CCDC141: variants seen among roughly 807,000 people sequenced by gnomAD.
CCDC141 encodes the protein coiled-coil domain containing 141.
CCDC141 carries 168 observed loss-of-function variants against 181.0 expected under a neutral mutation model. The ratio of observed to expected loss-of-function variants is 0.93; its 90% CI spans 0.82 to 1.05. CCDC141 has a LOEUF of 1.05. CCDC141 is among the 50% of genes least tolerant of loss of function. The probability of loss-of-function intolerance (pLI) is 0.00; values close to 1 mark genes in which losing one functional copy is unlikely to be tolerated. For missense variants in CCDC141, 1,902 were observed against 1,788.5 expected (o/e 1.06, Z -1.14); for synonymous variants, 666 against 642.3 (o/e 1.04, Z -0.56).
chr2:178,989,889 C>A (rs2154382249), intron 2 of CCDC141, among the ~76,000 whole-genome samples: 1 of 147,702 alleles, frequency 6.8e-6, no homozygotes, highest in Middle Eastern at 3.8e-3. Context: ...CCTGTAATCC[C>A]AGCACTTTGG....
chr2:178,862,607 CA>C (rs1340227702), intron 17 of CCDC141, among the ~76,000 whole-genome samples: 1 of 152,112 alleles, frequency 6.6e-6, no homozygotes, highest in East Asian at 1.9e-4. Flanking sequence ...AACATTCAAG[CA>C]TACAAATGTA....
chr2:178,990,572 A>AG (rs1188328324), intron 2 of CCDC141, among the ~76,000 whole-genome samples: 17 of 82,678 alleles, frequency 2.1e-4, no homozygotes, highest in East Asian at 4.0e-4. Context: ...AAAAAAGAGA[A>AG]GGGGAGGGGA....
chr2:178,986,734 A>C (rs1287380561), intron 2 of CCDC141, among the ~76,000 whole-genome samples: 1 of 152,010 alleles, frequency 6.6e-6, no homozygotes, highest in Admixed American at 6.6e-5. Context: ...CAAAGAGAAT[A>C]AAATACCTAG....
intron 6 of CCDC141, among the ~76,000 whole-genome samples, chr2:178,933,077 AT>A (rs1346103546): frequency 1.3e-5 from 2 of 152,202 alleles, no homozygotes; most frequent in Non-Finnish European, 2.9e-5. Context: ...ACTAGAAAAT[AT>A]TTTCAATGAC....
At chr2:178,925,306 C>A (rs2154375338) in intron 6 of CCDC141, among the ~76,000 whole-genome samples, 1 of 152,298 alleles carries the variant, frequency 6.6e-6, no homozygotes, top group Admixed American at 6.5e-5. Context: ...TAGCCTATGA[C>A]TTGGAAATCT....
At chr2:178,851,225 G>C (rs1358623421) in intron 20 of CCDC141, among the ~76,000 whole-genome samples, 1 of 133,308 alleles carries the variant, frequency 7.5e-6, no homozygotes, top group Non-Finnish European at 1.6e-5. Context: ...AAAAAAAAAA[G>C]GACTTCTTTA....
At chr2:178,933,872 T>C (rs1237763711) in intron 6 of CCDC141, among the ~76,000 whole-genome samples, 1 of 152,188 alleles carries the variant, frequency 6.6e-6, no homozygotes, top group Non-Finnish European at 1.5e-5. Flanking sequence ...GATGTGTGCA[T>C]ACCTTTTCTA....
At chr2:178,944,794 A>G (rs866181978) in intron 5 of CCDC141, 143 bp from the exon 6 acceptor site, 6 of 427,198 alleles carry the variant, frequency 1.4e-5, no homozygotes, top group Middle Eastern at 1.1e-3. Context: ...TTAAAATAAT[A>G]TGAACAAGTT....
At chr2:178,983,477 C>T (rs58945393) in intron 2 of CCDC141, among the ~76,000 whole-genome samples, 1,545 of 152,018 alleles carry the variant, frequency 0.01, 26 homozygotes, top group African/African-American at 0.036. Flanking sequence ...ATGACTTTGA[C>T]GAGCTGAGAG....
At chr2:178,952,730 T>C (rs935699440) in intron 5 of CCDC141, among the ~76,000 whole-genome samples, 4 of 152,244 alleles carry the variant, frequency 2.6e-5, no homozygotes, top group Admixed American at 6.5e-5. Context: ...AATTCTGTGA[T>C]AAATTTTCAT....
rs1684901838 is a variant in CCDC141, at chr2:178,845,625, C to T, written c.3474+1G>A. ...AGCTGAGGTTAAGTAGTTTTCTTTA[C>T]CTTATTCCTTTCTTCATTGAATATT... On this transcript the variant is annotated splice_donor_variant, in intron 22 of 23. Coordinates refer to ENST00000443758, the MANE Select transcript of CCDC141 (RefSeq NM_173648.4). LOFTEE classifies it high-confidence loss of function. 1 of 1,546,240 alleles carries T rather than the reference C, an allele frequency of 6.5e-7. No individual in the cohort carries two copies. The highest frequency in any genetic ancestry group is 2.2e-5 in the East Asian group (1 of 44,496).
intron 2 of CCDC141, among the ~76,000 whole-genome samples, chr2:179,009,538 G>C (rs1337910183): frequency 6.6e-6 from 1 of 151,978 alleles, no homozygotes; most frequent in Admixed American, 6.6e-5. Flanking sequence ...TCTCTCTTCT[G>C]AGTCTAGCCA....
At chr2:179,013,192 G>T (rs1399811649) in intron 2 of CCDC141, among the ~76,000 whole-genome samples, 1 of 152,060 alleles carries the variant, frequency 6.6e-6, no homozygotes, top group South Asian at 2.1e-4. Flanking sequence ...GTTTGCTGAC[G>T]ATATAATCAT....
intron 6 of CCDC141, among the ~76,000 whole-genome samples, chr2:178,924,190 A>G (rs74985463): frequency 0.032 from 4,897 of 152,324 alleles, 156 homozygotes; most frequent in East Asian, 0.14. Flanking sequence ...CCAAAAAACA[A>G]TTGGGAATAT....
At chr2:178,815,325 G>C in the CCDC141 span, among the ~76,000 whole-genome samples, 1 of 152,186 alleles carries the variant, frequency 6.6e-6, no homozygotes, top group African/African-American at 2.4e-5. Context: ...GGAGAGGACA[G>C]GACTTCCTAA....
intron 21 of CCDC141, among the ~76,000 whole-genome samples, chr2:178,846,721 A>T (rs1208606338): frequency 6.6e-6 from 1 of 152,124 alleles, no homozygotes; most frequent in Non-Finnish European, 1.5e-5. Context: ...ACCACTATTG[A>T]CTATTGGGGC....
At chr2:178,876,330 A>G (rs1686355219) in intron 12 of CCDC141, 1 of 152,218 alleles carries the variant, frequency 6.6e-6, no homozygotes, top group Non-Finnish European at 1.5e-5. Context: ...TGATTTTCAA[A>G]AGGAGGAAAG....
intron 17 of CCDC141, among the ~76,000 whole-genome samples, chr2:178,860,303 C>T (rs1383002662): frequency 2.0e-5 from 3 of 152,068 alleles, no homozygotes; most frequent in South Asian, 2.1e-4. Context: ...GAGGCTGAGG[C>T]GGGTGGATCA....
At chr2:179,037,648 C>A (rs1055158865) in intron 2 of CCDC141, among the ~76,000 whole-genome samples, 12 of 152,158 alleles carry the variant, frequency 7.9e-5, no homozygotes, top group African/African-American at 2.7e-4. Context: ...TACAACTCAA[C>A]AACAGAAAAT....
Sources: allele counts gnomAD v4.1 joint callset (sites outside exome capture counted in the v4.1 genomes callset), GRCh38; gene constraint gnomAD v4.1.1; transcripts MANE v1.5; gene names NCBI Gene and HGNC (gene_info 2026-07-23, HGNC 2026-07-21).